Variants in FDFT1 observed in about 807,000 individuals in gnomAD.
FDFT1 encodes farnesyl-diphosphate farnesyltransferase 1.
Under a neutral mutation model 46.8 loss-of-function variants are expected in FDFT1, and 68 were observed. That is an observed-to-expected ratio of 1.45 (90% CI 1.19 to 1.78). The LOEUF (loss-of-function observed/expected upper bound fraction) is 1.78, where lower values mean the gene tolerates loss of function less well. Among genes scored for constraint, FDFT1 ranks in the 40% most tolerant of loss-of-function variants. The pLI is 0.00. For synonymous variants in FDFT1, 351 were observed against 185.1 expected, an observed-to-expected ratio of 1.90 and a Z score of -7.28; for missense variants, 928 against 524.4, an observed-to-expected ratio of 1.77 and a Z score of -7.52.
chr8:11,807,188 C>G (rs990826350), intron 1 of FDFT1, among the ~76,000 whole-genome samples: 2 of 152,176 alleles, frequency 1.3e-5, no homozygotes, highest in East Asian at 1.9e-4. Flanking sequence ...GGGTCCCACT[C>G]TGCAGTGTAC....
Position 11,826,147 on chromosome 8 carries a change from C to T in FDFT1, c.634C>T (p.Gln212Ter), listed in dbSNP as rs752909843. The T allele has an allele frequency of 1.2e-6, 2 of 1,604,390 alleles. No individual in the cohort carries two copies. Among genetic ancestry groups the T allele is most frequent in the Admixed American group, 3.3e-5 (2 of 59,864 alleles). The change falls in exon 5 of 8, where the codon CAG (glutamine) becomes TAG (stop). Residue 212 changes from glutamine (Q) to a stop codon, truncating the protein, a stop_gained. Coordinates refer to ENST00000220584, the MANE Select transcript of FDFT1 (RefSeq NM_004462.5). LOFTEE classifies it high-confidence loss of function. ...ERANSMGLFL[Q>*]KTNIIRDYLE... Reference sequence around the variant, plus strand: ...TGCCAACTCTATGGGCCTGTTTTTGCAGAAAACAAACATCATCCGTGACTA... The same window carrying T: ...TGCCAACTCTATGGGCCTGTTTTTGTAGAAAACAAACATCATCCGTGACTA...
intron 3 of FDFT1, among the ~76,000 whole-genome samples, chr8:11,819,339 T>G (rs987873317): frequency 1.3e-5 from 2 of 152,184 alleles, no homozygotes; most frequent in Non-Finnish European, 2.9e-5. Context: ...GGATTGCGCT[T>G]CTCGAGGAAT....
At chr8:11,799,789 T>TA (rs1805918865), upstream of FDFT1, among the ~76,000 whole-genome samples, 1 of 151,056 alleles carries the variant, frequency 6.6e-6, no homozygotes, top group Admixed American at 6.6e-5. Context: ...CAACTAAAAA[T>TA]AAAAAAATTA....
At chr8:11,806,452 C>G (rs1000647654) in intron 1 of FDFT1, among the ~76,000 whole-genome samples, 1 of 152,010 alleles carries the variant, frequency 6.6e-6, no homozygotes, top group Non-Finnish European at 1.5e-5. Context: ...AAATAGGTGA[C>G]AGGAAAAAGA....
intron 3 of FDFT1, among the ~76,000 whole-genome samples, chr8:11,814,311 T>G (rs1808145099): frequency 6.6e-6 from 1 of 151,934 alleles, no homozygotes; most frequent in South Asian, 2.1e-4. Context: ...TTTTTTTTTT[T>G]TTTTTTGGAG....
At chr8:11,806,109 T>G (rs1379533987) in intron 1 of FDFT1, among the ~76,000 whole-genome samples, 2 of 152,176 alleles carry the variant, frequency 1.3e-5, no homozygotes, top group African/African-American at 2.4e-5. Flanking sequence ...TGTTCACTTG[T>G]GGAACTTTCA....
intron 3 of FDFT1, among the ~76,000 whole-genome samples, chr8:11,815,755 G>C (rs1164181183): frequency 1.3e-5 from 2 of 152,104 alleles, no homozygotes; most frequent in Non-Finnish European, 2.9e-5. Flanking sequence ...GTTCTTTGTA[G>C]ATTCTGGATA....
At chr8:11,822,964 A>T (rs981442758) in intron 4 of FDFT1, among the ~76,000 whole-genome samples, 1 of 152,214 alleles carries the variant, frequency 6.6e-6, no homozygotes, top group Non-Finnish European at 1.5e-5. Context: ...GAATTAAAAA[A>T]AATTTTTTTT....
intron 1 of FDFT1, chr8:11,803,190 C>G (rs946132394): frequency 7.1e-7 from 1 of 1,407,552 alleles, no homozygotes; most frequent in African/African-American, 1.4e-5. Flanking sequence ...GTTGCGCTCC[C>G]CGTTTCGTCC....
In FDFT1 at chr8:11,828,496, C is replaced by G. The variant is rs906152560; in HGVS notation, c.703-1748C>G. On this transcript the variant is annotated intron_variant, in intron 5 of 7. Transcript: ENST00000220584. ...GCAGTGGCTGCCTTGGAAGTGGAGT[C>G]TCAGTCTCCCGGCTCCTAGGCCAGC... 1.3e-5 allele frequency among the ~76,000 whole-genome samples: 2 copies of G among 152,194 alleles called. 1 individual carries two copies. Among genetic ancestry groups the G allele is most frequent in the Admixed American group, 1.3e-4 (2 of 15,280 alleles).
chr8:11,798,381 A>T (rs375241167), upstream of FDFT1, among the ~76,000 whole-genome samples: 323 of 152,310 alleles, frequency 2.1e-3, 2 homozygotes, highest in African/African-American at 7.1e-3. Context: ...TTAGACGAAT[A>T]ACTCTACCTG....
rs549487939 is a variant in FDFT1, at chr8:11,838,578, C to T, written c.1223C>T (p.Thr408Ile). Reference sequence around the variant, plus strand: ...TACCTGACCACTCTCTCCCAGGTAACAGAAGACTATGTTCAGACTGGAGAA... The same window carrying T: ...TACCTGACCACTCTCTCCCAGGTAATAGAAGACTATGTTCAGACTGGAGAA... The part of the protein sequence containing the change: ...WQYLTTLSQV[T>I]EDYVQTGEH Residue 408 changes from threonine to isoleucine, a missense_variant, in exon 8 of 8, where the codon ACA becomes ATA. Thr to Ile is a moderately conservative substitution (Grantham distance 89). Transcript: ENST00000220584. The T allele has an allele frequency of 6.2e-7, 1 of 1,613,982 alleles. No individual in the cohort carries two copies. Among genetic ancestry groups the T allele is most frequent in the South Asian group, 1.1e-5 (1 of 91,058 alleles).
At chr8:11,815,039 C>T (rs1308207744) in intron 3 of FDFT1, among the ~76,000 whole-genome samples, 1 of 152,068 alleles carries the variant, frequency 6.6e-6, no homozygotes, top group Non-Finnish European at 1.5e-5. Flanking sequence ...CCACAACAGG[C>T]CCCGGTATGT....
intron 7 of FDFT1, among the ~76,000 whole-genome samples, chr8:11,832,249 A>C (rs116434676): frequency 1.3e-5 from 2 of 151,948 alleles, no homozygotes; most frequent in Admixed American, 1.3e-4. Context: ...CTAATATTTG[A>C]CTAGGTTCAA....
chr8:11,811,986 G>A (rs1258180090), intron 3 of FDFT1, among the ~76,000 whole-genome samples: 1 of 152,176 alleles, frequency 6.6e-6, no homozygotes, highest in Non-Finnish European at 1.5e-5. Flanking sequence ...CCAGTTGTCT[G>A]GGGCTAGGCC....
intron 7 of FDFT1, among the ~76,000 whole-genome samples, chr8:11,837,842 T>C (rs1205162806): frequency 2.0e-5 from 3 of 151,970 alleles, no homozygotes; most frequent in African/African-American, 7.3e-5. Context: ...GGGGAAGAGA[T>C]GGATTCTGCA....
At chr8:11,829,697 C>G (rs943841852) in intron 5 of FDFT1, among the ~76,000 whole-genome samples, 1 of 152,130 alleles carries the variant, frequency 6.6e-6, no homozygotes, top group Non-Finnish European at 1.5e-5. Context: ...GACATGCTCC[C>G]CAATACGTAA....
At chr8:11,802,502 C>A (rs1271798542), upstream of FDFT1, 1 of 500,704 alleles carries the variant, frequency 2.0e-6, no homozygotes, top group Non-Finnish European at 3.9e-6. Context: ...GCACCAATCC[C>A]GCTCGTCGGC....
chr8:11,830,502 T>A (rs915799176), intron 6 of FDFT1, 82 bp downstream of exon 6: 5 of 973,468 alleles, frequency 5.1e-6, no homozygotes, highest in South Asian at 1.4e-5. Flanking sequence ...TGTGCTATAT[T>A]CAAGGATATG....
Sources: gnomAD v4.1 joint callset for allele counts (sites outside exome capture counted in the v4.1 genomes callset) on GRCh38, gnomAD v4.1.1 for gene constraint, MANE v1.5 for transcripts, NCBI Gene and HGNC (gene_info 2026-07-23, HGNC 2026-07-21) for gene names.